Variants in ABHD18 observed in about 807,000 individuals in gnomAD.
ABHD18 encodes abhydrolase domain containing 18.
ABHD18 carries 55 observed loss-of-function variants against 65.9 expected under a neutral mutation model. That is an observed-to-expected ratio of 0.84 (90% confidence interval 0.67 to 1.05). The LOEUF (loss-of-function observed/expected upper bound fraction) is 1.05. Ranked by LOEUF, ABHD18 falls within the 50% of genes least tolerant of loss-of-function variation. The probability of loss-of-function intolerance (pLI) is 0.00; values close to 1 mark genes in which losing one functional copy is unlikely to be tolerated. For missense variants in ABHD18, 533 were observed against 558.5 expected, an observed-to-expected ratio of 0.95 and a Z score of 0.46; for synonymous variants, 181 against 180.2, an observed-to-expected ratio of 1.00 and a Z score of -0.04.
chr4:128,004,535 C>A (rs936086534), intron 4 of ABHD18, among the ~76,000 whole-genome samples: 6 of 152,090 alleles, frequency 3.9e-5, no homozygotes, highest in Non-Finnish European at 7.4e-5. Flanking sequence ...AAATATTGTT[C>A]TAGCTCTTCA....
In ABHD18 at chr4:128,030,547, C is replaced by T. The variant is rs1758058062; in HGVS notation, c.1218C>T (p.Ala406=). The T allele has an allele frequency of 3.1e-6, 5 of 1,599,476 alleles. No homozygotes were observed. Among genetic ancestry groups the T allele is most frequent in the Non-Finnish European group, 4.2e-6 (5 of 1,177,220 alleles). Residue 406 remains alanine, a synonymous_variant, in exon 12 of 13, where the codon GCC becomes GCT. Coordinates refer to ENST00000645843, the MANE Select transcript of ABHD18 (RefSeq NM_001358451.3). ...CAAGCCTCATTATAGTGGTTCAAGCCAAAGAAGATGCCTATATTCCACGAA... is the reference window on the plus strand; with the variant it reads ...CAAGCCTCATTATAGTGGTTCAAGCTAAAGAAGATGCCTATATTCCACGAA... ...VDPSLIIVVQ[A]KEDAYIPRTG...
chr4:128,030,725 A>AT (rs1284088917), intron 12 of ABHD18, 53 bp downstream of exon 12: 3 of 1,506,940 alleles, frequency 2.0e-6, no homozygotes, highest in African/African-American at 1.5e-5. Flanking sequence ...TGTTTTCTGG[A>AT]TTTTTTGCTT....
In ABHD18 at chr4:128,035,828, GT is replaced by G; in HGVS notation, c.*16del. On this transcript the variant is annotated 3_prime_UTR_variant, in exon 13 of 13. Coordinates refer to ENST00000645843, the MANE Select transcript of ABHD18 (RefSeq NM_001358451.3). ...ACGCTAACTAGTTGGATTATTATAT[GT>G]AACCAGTGTGGCCATGATGTTTCTT... 1 of 1,505,192 alleles carries G rather than the reference GT, an allele frequency of 6.6e-7. No homozygotes were observed. Among genetic ancestry groups the G allele is most frequent in the Non-Finnish European group, 9.0e-7 (1 of 1,111,860 alleles). The allele number at this position is 1,505,192 out of a possible 1,614,324, so 93.2% of individuals were successfully genotyped here.
intron 9 of ABHD18, 35 bp from the exon 10 acceptor site, chr4:128,021,102 A>G (rs1395719686): frequency 7.7e-7 from 1 of 1,304,774 alleles, no homozygotes; most frequent in Non-Finnish European, 1.1e-6. Context: ...TTGCCTTATG[A>G]TGTGGTTTGA....
intron 1 of ABHD18, among the ~76,000 whole-genome samples, chr4:127,971,482 C>CTTTTT (rs1156788634): frequency 1.9e-5 from 1 of 51,906 alleles, no homozygotes; most frequent in East Asian, 6.7e-4. Context: ...CCAGAGTTGG[C>CTTTTT]TTTTTTTTTT....
chr4:127,986,238 A>G (rs1387849706), intron 3 of ABHD18, among the ~76,000 whole-genome samples: 1 of 152,150 alleles, frequency 6.6e-6, no homozygotes, highest in Non-Finnish European at 1.5e-5. Flanking sequence ...GATTCACCTA[A>G]TGTGGACATT....
rs1184473742 is a variant in ABHD18 at position 128,037,574 on chromosome 4, GTGA to G, written c.*1763_*1765del. 6.6e-6 allele frequency: 1 copy of G among 152,124 alleles called. No individual in the cohort carries two copies. Among genetic ancestry groups the G allele is most frequent in the East Asian group, 1.9e-4 (1 of 5,162 alleles). 9.4% of individuals were successfully genotyped at this position (152,124 alleles called of 1,614,324 possible). A position where few individuals can be genotyped will look rare whatever the true frequency, so the allele number is the denominator to read the frequency against. Reference sequence around the variant, plus strand: ...GCTGGTCTCGAATTCCTGACCTCAAGTGATATGCCTGCCTTGGCCTCCCAAAGT... The same window carrying G: ...GCTGGTCTCGAATTCCTGACCTCAAGTATGCCTGCCTTGGCCTCCCAAAGT... On this transcript the variant is annotated 3_prime_UTR_variant, in exon 13 of 13. Transcript: ENST00000645843.
At chr4:127,982,831 G>C in intron 1 of ABHD18, 108 bp from the exon 2 acceptor site, 1 of 575,632 alleles carries the variant, frequency 1.7e-6, no homozygotes, top group Non-Finnish European at 3.0e-6. Context: ...GAATTAATTC[G>C]TCTCAATCTT....
At chr4:127,986,796 G>A (rs1750038973) in intron 3 of ABHD18, among the ~76,000 whole-genome samples, 1 of 152,168 alleles carries the variant, frequency 6.6e-6, no homozygotes, top group Non-Finnish European at 1.5e-5. Context: ...ATGACTGTGA[G>A]GCTGAACATC....
At chr4:127,976,509 C>A (rs1279703415) in intron 1 of ABHD18, among the ~76,000 whole-genome samples, 1 of 151,998 alleles carries the variant, frequency 6.6e-6, no homozygotes, top group African/African-American at 2.4e-5. Flanking sequence ...TACATAATAT[C>A]CTTAATTTTG....
At chr4:127,979,525 A>G (rs1479200552) in intron 1 of ABHD18, among the ~76,000 whole-genome samples, 1 of 152,208 alleles carries the variant, frequency 6.6e-6, no homozygotes, top group Non-Finnish European at 1.5e-5. Context: ...ACTGCACTCT[A>G]GCGTGGGCGA....
chr4:128,022,769 C>CTTTTTTTTT (rs1234304858), intron 10 of ABHD18, among the ~76,000 whole-genome samples: 2 of 130,958 alleles, frequency 1.5e-5, no homozygotes, highest in Non-Finnish European at 1.7e-5. Flanking sequence ...CGATCCTTTT[C>CTTTTTTTTT]TTTTTTTTTT....
At chr4:128,023,443 T>C in intron 10 of ABHD18, among the ~76,000 whole-genome samples, 1 of 115,744 alleles carries the variant, frequency 8.6e-6, no homozygotes, top group African/African-American at 3.3e-5. Flanking sequence ...AAGCTGGGCA[T>C]GGTGGTGCAT....
chr4:127,985,347 G>T (rs572359703), intron 3 of ABHD18, among the ~76,000 whole-genome samples: 1 of 151,960 alleles, frequency 6.6e-6, no homozygotes, highest in Non-Finnish European at 1.5e-5. Context: ...TCCCTCACTC[G>T]CCTTCAAGCA....
chr4:128,013,524 C>T (rs1754936327), intron 7 of ABHD18, among the ~76,000 whole-genome samples: 1 of 152,098 alleles, frequency 6.6e-6, no homozygotes, highest in South Asian at 2.1e-4. Flanking sequence ...CACGCTGAAA[C>T]CCCATCTCTA....
At chr4:127,987,575 G>A (rs1348838825) in intron 3 of ABHD18, among the ~76,000 whole-genome samples, 1 of 151,784 alleles carries the variant, frequency 6.6e-6, no homozygotes, top group African/African-American at 2.4e-5. Context: ...GGCCAGGCAT[G>A]GTGGCACATG....
At chr4:128,018,196 A>G (rs1040077618) in intron 8 of ABHD18, among the ~76,000 whole-genome samples, 1 of 152,160 alleles carries the variant, frequency 6.6e-6, no homozygotes, top group Admixed American at 6.6e-5. Flanking sequence ...TTTTTACTGT[A>G]CTTTACTGAC....
chr4:128,011,842 T>G, intron 7 of ABHD18, 142 bp downstream of exon 7: 2 of 487,560 alleles, frequency 4.1e-6, no homozygotes, highest in Non-Finnish European at 7.1e-6. Flanking sequence ...GAAACTGTAG[T>G]ATGAATACTG....
chr4:128,010,323 A>G (rs1264997835), intron 6 of ABHD18, among the ~76,000 whole-genome samples: 1 of 152,152 alleles, frequency 6.6e-6, no homozygotes, highest in Non-Finnish European at 1.5e-5. Context: ...TGAGGTCAGG[A>G]GTTCGAGACC....
Sources: allele counts gnomAD v4.1 joint callset (sites outside exome capture counted in the v4.1 genomes callset), GRCh38; gene constraint gnomAD v4.1.1; transcripts MANE v1.5; gene names NCBI Gene and HGNC (gene_info 2026-07-23, HGNC 2026-07-21).